Variants in NTNG1 observed in about 807,000 individuals in gnomAD.
NTNG1 encodes netrin-G1.
A neutral mutation model predicts 54.0 loss-of-function variants in NTNG1; 16 were observed. The observed-to-expected ratio is 0.30, with a 90% confidence interval of 0.20 to 0.45. The LOEUF is 0.45. Among genes scored for constraint, NTNG1 ranks in the 20% least tolerant of loss-of-function variants. The pLI is 1.00. For synonymous variants in NTNG1, 255 were observed against 263.1 expected, an observed-to-expected ratio of 0.97 and a Z score of 0.30; for missense variants, 530 against 678.7, an observed-to-expected ratio of 0.78 and a Z score of 2.43.
intron 2 of NTNG1, among the ~76,000 whole-genome samples, chr1:107,228,743 GT>G (rs1399069130): frequency 2.6e-5 from 4 of 152,130 alleles, no homozygotes; most frequent in African/African-American, 9.7e-5. Context: ...TACAATAATA[GT>G]GTTTCCTAAT....
At chr1:107,166,276 T>A (rs1055411147) in intron 2 of NTNG1, among the ~76,000 whole-genome samples, 3 of 152,216 alleles carry the variant, frequency 2.0e-5, no homozygotes, top group Non-Finnish European at 2.9e-5. Flanking sequence ...TATTTCGCTT[T>A]CCTTTTAAAA....
chr1:107,335,041 A>G (rs1668500340), intron 3 of NTNG1, among the ~76,000 whole-genome samples: 1 of 152,036 alleles, frequency 6.6e-6, no homozygotes. Flanking sequence ...AGAATAAAAT[A>G]TATCTACTTC....
At chr1:107,217,219 A>G (rs1181264036) in intron 2 of NTNG1, among the ~76,000 whole-genome samples, 2 of 152,106 alleles carry the variant, frequency 1.3e-5, no homozygotes, top group East Asian at 3.9e-4. Context: ...TAGGTTTTCT[A>G]GTTTATGCAT....
At chr1:107,437,596 G>A (rs765480421) in intron 7 of NTNG1, among the ~76,000 whole-genome samples, 1 of 152,120 alleles carries the variant, frequency 6.6e-6, no homozygotes, top group Non-Finnish European at 1.5e-5. Context: ...ATCCTGTGTA[G>A]CAGTGTGGTC....
At chr1:107,322,655 T>C (rs1667721026) in intron 2 of NTNG1, among the ~76,000 whole-genome samples, 4 of 152,178 alleles carry the variant, frequency 2.6e-5, no homozygotes, top group South Asian at 4.1e-4. Flanking sequence ...CAGAAACTTA[T>C]TTCCCCCCTC....
chr1:107,327,244 TG>T (rs1668012686), intron 3 of NTNG1, among the ~76,000 whole-genome samples: 7 of 152,138 alleles, frequency 4.6e-5, no homozygotes, highest in African/African-American at 1.7e-4. Context: ...AGGCACCAGA[TG>T]GCTGGAGTAT....
intron 2 of NTNG1, among the ~76,000 whole-genome samples, chr1:107,317,783 G>C (rs1000618472): frequency 6.6e-6 from 1 of 152,154 alleles, no homozygotes; most frequent in Non-Finnish European, 1.5e-5. Context: ...TCAGGGAGCA[G>C]ATTGAAACAA....
At chr1:107,155,757 G>T (rs897992103) in intron 2 of NTNG1, among the ~76,000 whole-genome samples, 1 of 152,112 alleles carries the variant, frequency 6.6e-6, no homozygotes, top group Non-Finnish European at 1.5e-5. Flanking sequence ...CATGGTTCTA[G>T]CTAATTAATT....
rs137994696 is a variant in NTNG1 at position 107,151,422 on chromosome 1, CCTT to C, written c.246+2584_246+2586del. 5.5e-4 allele frequency among the ~76,000 whole-genome samples: 83 copies of C among 152,274 alleles called. 2 individuals carry two copies. The East Asian group carries it at 0.015, about 28-fold the overall frequency. On this transcript the variant is annotated intron_variant, in intron 2 of 7. Transcript: ENST00000370068. The stretch of plus-strand genomic sequence containing the variant: ...TGTTATGACTTATGCGTTCTCCCCT[CCTT>C]GACGCTTGCATCCATACCTGCTCCC...
intron 2 of NTNG1, among the ~76,000 whole-genome samples, chr1:107,286,162 T>A (rs1302379218): frequency 6.6e-6 from 1 of 152,076 alleles, no homozygotes; most frequent in Non-Finnish European, 1.5e-5. Flanking sequence ...AAACTCTAAT[T>A]CCGTAATTAT....
chr1:107,174,813 A>G (rs775015144), intron 2 of NTNG1, among the ~76,000 whole-genome samples: 4 of 152,206 alleles, frequency 2.6e-5, no homozygotes, highest in African/African-American at 4.8e-5. Flanking sequence ...TATAAATTCA[A>G]GGGCAAGGAT....
Position 107,386,165 on chromosome 1 carries a change from ATTTTTT to A in NTNG1, c.888-8981_888-8976del, listed in dbSNP as rs71098628. On this transcript the variant is annotated intron_variant, in intron 3 of 7. Coordinates refer to ENST00000370068, the MANE Select transcript of NTNG1 (RefSeq NM_001113226.3). The stretch of plus-strand genomic sequence containing the variant: ...TATATGTGTGTATATATATATATAT[ATTTTTT>A]TTTTTTTCTTCCTTTGAAATGGGGT... 8.7e-3 allele frequency among the ~76,000 whole-genome samples: 1,052 copies of A among 120,760 alleles called. 27 individuals are homozygous for A. The highest frequency in any genetic ancestry group is 0.03 in the African/African-American group (1,004 of 33,718). 79.2% of individuals were successfully genotyped at this position (120,760 alleles called of 152,430 possible).
chr1:107,290,789 A>T (rs975131032), intron 2 of NTNG1, among the ~76,000 whole-genome samples: 4 of 151,748 alleles, frequency 2.6e-5, no homozygotes, highest in Admixed American at 2.6e-4. Context: ...TCCTGTTAAT[A>T]CAATAATAAT....
intron 2 of NTNG1, among the ~76,000 whole-genome samples, chr1:107,267,836 C>T (rs991724645): frequency 6.6e-6 from 1 of 152,146 alleles, no homozygotes; most frequent in African/African-American, 2.4e-5. Flanking sequence ...TCTCTCTGTC[C>T]TTCACTAGAA....
intron 2 of NTNG1, among the ~76,000 whole-genome samples, chr1:107,265,196 T>C (rs988378432): frequency 6.6e-6 from 1 of 152,142 alleles, no homozygotes; most frequent in Admixed American, 6.5e-5. Context: ...AATTACAGAA[T>C]AGTAGATGCT....
intron 2 of NTNG1, among the ~76,000 whole-genome samples, chr1:107,199,285 T>C (rs1658556969): frequency 6.6e-6 from 1 of 151,390 alleles, no homozygotes; most frequent in South Asian, 2.1e-4. Flanking sequence ...CTTCTTTTTT[T>C]TTTCTATTCC....
chr1:107,392,071 G>A (rs998186183), intron 3 of NTNG1, among the ~76,000 whole-genome samples: 3 of 152,098 alleles, frequency 2.0e-5, no homozygotes, highest in East Asian at 1.9e-4. Flanking sequence ...AAGCCAAAGA[G>A]TTTAGTTTGG....
chr1:107,248,699 G>T (rs561487875), intron 2 of NTNG1, among the ~76,000 whole-genome samples: 2 of 152,204 alleles, frequency 1.3e-5, no homozygotes, highest in East Asian at 3.9e-4. Flanking sequence ...CCAGGAGGGT[G>T]GTGAAAATGC....
chr1:107,397,296 A>G (rs1205590003), intron 4 of NTNG1, among the ~76,000 whole-genome samples: 2 of 152,192 alleles, frequency 1.3e-5, no homozygotes, highest in Non-Finnish European at 2.9e-5. Flanking sequence ...GCATGGCAGA[A>G]ATTAGATGAA....
Sources: gnomAD v4.1 joint callset for allele counts (sites outside exome capture counted in the v4.1 genomes callset) on GRCh38, gnomAD v4.1.1 for gene constraint, MANE v1.5 for transcripts, NCBI Gene and HGNC (gene_info 2026-07-23, HGNC 2026-07-21) for gene names.